Variants in TSPAN9 observed in about 807,000 individuals in gnomAD.
The protein encoded by TSPAN9 is tetraspanin 9, also known as tetraspanin-9.
In TSPAN9, 16 loss-of-function variants were observed where a neutral mutation model predicts 31.0. That is an observed-to-expected ratio of 0.52 (90% confidence interval 0.35 to 0.78). The LOEUF is 0.78. Among genes scored for constraint, TSPAN9 ranks in the 30% least tolerant of loss-of-function variants. The pLI, the probability that TSPAN9 is intolerant of heterozygous loss-of-function variation, is 0.01. For missense variants in TSPAN9, 272 were observed against 312.5 expected (o/e 0.87, Z 0.98); for synonymous variants, 145 against 121.6 (o/e 1.19, Z -1.27).
At chr12:3,111,468 A>G (rs1050454757) in intron 2 of TSPAN9, among the ~76,000 whole-genome samples, 2 of 152,224 alleles carry the variant, frequency 1.3e-5, no homozygotes, top group South Asian at 2.1e-4. Context: ...AAAGAAATTT[A>G]TCATAAAACT....
chr12:3,225,109 A>G (rs2098386491), intron 3 of TSPAN9, among the ~76,000 whole-genome samples: 1 of 152,126 alleles, frequency 6.6e-6, no homozygotes, highest in Admixed American at 6.5e-5. Flanking sequence ...AGAATCAATC[A>G]TCCTCGCACC....
At chr12:3,207,245 C>T (rs2098375787) in intron 3 of TSPAN9, among the ~76,000 whole-genome samples, 1 of 151,960 alleles carries the variant, frequency 6.6e-6, no homozygotes. Flanking sequence ...CTCAAGCTGT[C>T]ACTGTAGGTA....
intron 7 of TSPAN9, 62 bp from the exon 8 acceptor site, chr12:3,281,672 G>A: frequency 6.5e-7 from 1 of 1,544,246 alleles, no homozygotes; most frequent in Non-Finnish European, 8.8e-7. Context: ...TGAGCTGGGG[G>A]CTGGGCTGCA....
At chr12:3,151,689 CAG>C (rs1172628775) in intron 2 of TSPAN9, among the ~76,000 whole-genome samples, 1 of 152,256 alleles carries the variant, frequency 6.6e-6, no homozygotes, top group East Asian at 1.9e-4. Flanking sequence ...AGATATGAAA[CAG>C]AATAGGGCAG....
In TSPAN9 at chr12:3,147,308, A is replaced by G. The variant is rs1219137701; in HGVS notation, c.-17-53869A>G. 6.6e-6 allele frequency among the ~76,000 whole-genome samples: 1 copy of G among 152,094 alleles called. No individual in the cohort carries two copies. Among genetic ancestry groups the G allele is most frequent in the African/African-American group, 2.4e-5 (1 of 41,396 alleles). ...CCCGCCAGGGGCTGGAGAGAATGACAGGCGTCCCATGTATCCCAAAAATGC... is the reference window on the plus strand; with the variant it reads ...CCCGCCAGGGGCTGGAGAGAATGACGGGCGTCCCATGTATCCCAAAAATGC... On this transcript the variant is annotated intron_variant, in intron 2 of 8. Transcript: ENST00000011898. This position sits in a 1 kb window ranked among gnomAD's most constrained non-coding sequence, Gnocchi z 4.3.
chr12:3,243,064 A>G (rs926139805), intron 3 of TSPAN9, among the ~76,000 whole-genome samples: 43 of 152,172 alleles, frequency 2.8e-4, no homozygotes, highest in Non-Finnish European at 4.0e-4. Context: ...ATTTGGAGGG[A>G]TGAAGGAGCA....
intron 3 of TSPAN9, among the ~76,000 whole-genome samples, chr12:3,261,889 T>A (rs1463637844): frequency 6.6e-6 from 1 of 152,194 alleles, no homozygotes; most frequent in African/African-American, 2.4e-5. Context: ...CCCCCAAGGA[T>A]GCTCTGGCCT....
At chr12:3,111,634 G>C (rs1269561233) in intron 2 of TSPAN9, among the ~76,000 whole-genome samples, 1 of 139,238 alleles carries the variant, frequency 7.2e-6, no homozygotes. Context: ...TTGAGACAGA[G>C]ACAGACTCTC....
At chr12:3,089,849 T>G (rs2098303283) in intron 2 of TSPAN9, among the ~76,000 whole-genome samples, 1 of 152,024 alleles carries the variant, frequency 6.6e-6, no homozygotes. Flanking sequence ...GAGGCTACAG[T>G]GAGCTGTGAT....
intron 2 of TSPAN9, among the ~76,000 whole-genome samples, chr12:3,196,334 C>T (rs2098367073): frequency 6.6e-6 from 1 of 152,170 alleles, no homozygotes; most frequent in African/African-American, 2.4e-5. Context: ...GAGCACTGCC[C>T]CTTCCTCAGG....
At chr12:3,126,676 A>G (rs1270968727) in intron 2 of TSPAN9, among the ~76,000 whole-genome samples, 2 of 152,178 alleles carry the variant, frequency 1.3e-5, no homozygotes, top group African/African-American at 4.8e-5. Context: ...TGGGAGGCGG[A>G]GGCAGGAGGA....
At chr12:3,202,306 G>T (rs190073627) in intron 3 of TSPAN9, among the ~76,000 whole-genome samples, 1 of 152,202 alleles carries the variant, frequency 6.6e-6, no homozygotes, top group African/African-American at 2.4e-5. Context: ...CCCACTGCCC[G>T]TGGTCCAGGA....
At chr12:3,252,022 G>A (rs1449974545) in intron 3 of TSPAN9, among the ~76,000 whole-genome samples, 1 of 152,182 alleles carries the variant, frequency 6.6e-6, no homozygotes, top group African/African-American at 2.4e-5. Flanking sequence ...GTCCCTGCGT[G>A]AGTGAGGGTG....
intron 3 of TSPAN9, among the ~76,000 whole-genome samples, chr12:3,225,343 C>T (rs1182930503): frequency 6.6e-6 from 1 of 152,178 alleles, no homozygotes; most frequent in Admixed American, 6.5e-5. Flanking sequence ...CTGCCTCTCA[C>T]ATGTGCACGC....
At position 3,281,769 on chromosome 12, in the gene TSPAN9, C is replaced by T; in HGVS notation, c.600C>T (p.Asp200=). 2 of 1,614,138 alleles carry T rather than the reference C, an allele frequency of 1.2e-6. No homozygotes were observed. The highest frequency in any genetic ancestry group is 1.7e-6 in the Non-Finnish European group (2 of 1,179,986). The change falls in exon 8 of 9, where the codon GAC becomes GAT. Residue 200 remains aspartate, a synonymous_variant. Transcript: ENST00000011898. ...CYEKVKMWFD[D]NKHVLGTVGM... ...AAAAGGTGAAGATGTGGTTCGATGA[C>T]AATAAGCACGTGCTGGGCACGGTGG... is the stretch of plus-strand genomic sequence containing the variant.
intron 3 of TSPAN9, among the ~76,000 whole-genome samples, chr12:3,267,947 G>C (rs149395954): frequency 1.7e-3 from 264 of 152,334 alleles, no homozygotes; most frequent in African/African-American, 6.0e-3. Flanking sequence ...GCTCCACGCT[G>C]CCTTCTGACC....
intron 3 of TSPAN9, among the ~76,000 whole-genome samples, chr12:3,222,213 G>T (rs1182029565): frequency 1.3e-5 from 2 of 152,136 alleles, no homozygotes; most frequent in Non-Finnish European, 2.9e-5. Flanking sequence ...GGGGGGACGT[G>T]GCCACAGCTG....
intron 2 of TSPAN9, among the ~76,000 whole-genome samples, chr12:3,103,042 G>A (rs1402117594): frequency 6.6e-6 from 1 of 152,214 alleles, no homozygotes; most frequent in Non-Finnish European, 1.5e-5. Flanking sequence ...CTAGTTTCCA[G>A]CTGGCTCCCT....
intron 3 of TSPAN9, among the ~76,000 whole-genome samples, chr12:3,210,116 A>G (rs1332803853): frequency 6.8e-6 from 1 of 147,050 alleles, no homozygotes; most frequent in Non-Finnish European, 1.5e-5. Context: ...CCTGGGCAAC[A>G]GAGCAAGACT....
Sources: gnomAD v4.1 joint callset for allele counts (sites outside exome capture counted in the v4.1 genomes callset) on GRCh38, gnomAD v4.1.1 for gene constraint, Gnocchi (gnomAD v3.1) non-coding constraint, MANE v1.5 for transcripts, NCBI Gene and HGNC (gene_info 2026-07-23, HGNC 2026-07-21) for gene names.